CSMD1: variants seen among roughly 807,000 people sequenced by gnomAD.
The protein encoded by CSMD1 is CUB and sushi domain-containing protein 1.
A neutral mutation model predicts 417.5 loss-of-function variants in CSMD1; 213 were observed. The ratio of observed to expected loss-of-function variants is 0.51; its 90% CI spans 0.46 to 0.57. The LOEUF (loss-of-function observed/expected upper bound fraction) is 0.57. CSMD1 is among the 20% of genes least tolerant of loss of function. The pLI, the probability that CSMD1 is intolerant of heterozygous loss-of-function variation, is 0.00. For missense variants in CSMD1, 6,923 were observed against 4,529.7 expected (o/e 1.53, Z -15.17); for synonymous variants, 2,862 against 1,736.8 (o/e 1.65, Z -16.11).
intron 2 of CSMD1, among the ~76,000 whole-genome samples, chr8:4,550,897 A>T (rs1797841536): frequency 6.6e-6 from 1 of 152,118 alleles, no homozygotes; most frequent in African/African-American, 2.4e-5. Context: ...ATACTAGAAA[A>T]CGGAGACCCA....
intron 12 of CSMD1, among the ~76,000 whole-genome samples, chr8:3,437,303 G>A (rs1393659438): frequency 6.6e-6 from 1 of 152,122 alleles, no homozygotes; most frequent in South Asian, 2.1e-4. Flanking sequence ...CTCTCAACAC[G>A]TCAACCCCAC....
intron 5 of CSMD1, among the ~76,000 whole-genome samples, chr8:3,917,125 T>C (rs1224492994): frequency 6.6e-6 from 1 of 152,176 alleles, no homozygotes; most frequent in Non-Finnish European, 1.5e-5. Flanking sequence ...TAAAAGATAG[T>C]CTAAGAGAAT....
At chr8:3,261,865 A>G (rs921498654) in intron 26 of CSMD1, among the ~76,000 whole-genome samples, 2 of 152,076 alleles carry the variant, frequency 1.3e-5, no homozygotes, top group East Asian at 1.9e-4. Context: ...GCCGAGGTCA[A>G]TGGGTACGGC....
chr8:3,316,971 G>A (rs757631943), intron 23 of CSMD1, among the ~76,000 whole-genome samples: 4 of 152,198 alleles, frequency 2.6e-5, no homozygotes, highest in South Asian at 2.1e-4. Context: ...GTCAGTGGAT[G>A]TGGGGAGGGG....
At chr8:4,607,687 C>T (rs1428305373) in intron 2 of CSMD1, among the ~76,000 whole-genome samples, 1 of 151,950 alleles carries the variant, frequency 6.6e-6, no homozygotes, top group Non-Finnish European at 1.5e-5. Flanking sequence ...ACCTTTTTTC[C>T]AGCAATCTTC....
intron 2 of CSMD1, among the ~76,000 whole-genome samples, chr8:4,433,924 A>G (rs1343470602): frequency 6.6e-6 from 1 of 152,142 alleles, no homozygotes; most frequent in African/African-American, 2.4e-5. Flanking sequence ...CACAGCAAAA[A>G]AGGGGGAAAC....
At chr8:4,890,929 G>T (rs888884630) in intron 1 of CSMD1, among the ~76,000 whole-genome samples, 1 of 152,096 alleles carries the variant, frequency 6.6e-6, no homozygotes, top group African/African-American at 2.4e-5. Flanking sequence ...CTGGGGAAAC[G>T]CAAAGGCAGA....
intron 51 of CSMD1, among the ~76,000 whole-genome samples, chr8:3,021,416 C>A (rs1272300690): frequency 6.6e-6 from 1 of 152,126 alleles, no homozygotes; most frequent in African/African-American, 2.4e-5. Context: ...AAGGGGAAGC[C>A]CCTCACTACT....
At chr8:2,984,165 G>A (rs1012432240) in intron 54 of CSMD1, among the ~76,000 whole-genome samples, 1 of 152,104 alleles carries the variant, frequency 6.6e-6, no homozygotes, top group Admixed American at 6.5e-5. Context: ...GAGACCATCC[G>A]TTTATGTCGC....
At chr8:3,909,010 G>C (rs1395961995) in intron 5 of CSMD1, among the ~76,000 whole-genome samples, 4 of 152,200 alleles carry the variant, frequency 2.6e-5, no homozygotes, top group Non-Finnish European at 4.4e-5. Flanking sequence ...ACTACTGTAG[G>C]AGGCTTGCCT....
At chr8:4,431,296 C>G (rs1797859431) in intron 2 of CSMD1, among the ~76,000 whole-genome samples, 1 of 152,096 alleles carries the variant, frequency 6.6e-6, no homozygotes, top group Non-Finnish European at 1.5e-5. Flanking sequence ...TCATATCTCA[C>G]AAACTGTATT....
intron 5 of CSMD1, among the ~76,000 whole-genome samples, chr8:3,765,604 C>T (rs1798223220): frequency 1.3e-5 from 2 of 152,194 alleles, no homozygotes; most frequent in African/African-American, 4.8e-5. Flanking sequence ...TTTATTTTTG[C>T]TCCTAATGTA....
At chr8:4,737,230 C>T (rs993714787) in intron 1 of CSMD1, among the ~76,000 whole-genome samples, 9 of 152,016 alleles carry the variant, frequency 5.9e-5, no homozygotes, top group South Asian at 2.1e-4. Flanking sequence ...CAAACTAACA[C>T]GGGAACAGAA....
At chr8:3,687,558 T>C (rs1800001983) in intron 7 of CSMD1, among the ~76,000 whole-genome samples, 1 of 152,224 alleles carries the variant, frequency 6.6e-6, no homozygotes, top group African/African-American at 2.4e-5. Flanking sequence ...GTAAATGCTA[T>C]ATTTTTCTTC....
intron 8 of CSMD1, among the ~76,000 whole-genome samples, chr8:3,592,437 A>G (rs980058467): frequency 6.6e-6 from 1 of 152,174 alleles, no homozygotes; most frequent in African/African-American, 2.4e-5. Context: ...AAGCAGCAGA[A>G]AACACAAAAA....
At chr8:4,344,679 T>C (rs1229455770) in intron 3 of CSMD1, among the ~76,000 whole-genome samples, 1 of 152,022 alleles carries the variant, frequency 6.6e-6, no homozygotes, top group Non-Finnish European at 1.5e-5. Context: ...AACACAAAGA[T>C]ATTAAAAATG....
chr8:4,523,635 C>G (rs1445925898), intron 2 of CSMD1, among the ~76,000 whole-genome samples: 1 of 152,084 alleles, frequency 6.6e-6, no homozygotes, highest in South Asian at 2.1e-4. Flanking sequence ...AACCAAGGTT[C>G]CAGTCCGGGG....
chr8:3,262,183 GAATATATATATATATATATATA>G (rs1434418313), intron 26 of CSMD1, among the ~76,000 whole-genome samples: 1 of 54,726 alleles, frequency 1.8e-5, no homozygotes, highest in Non-Finnish European at 3.4e-5. Context: ...ATGCTCATAT[GAATATATATATATATATATATA>G]TATATATATA....
intron 1 of CSMD1, among the ~76,000 whole-genome samples, chr8:4,888,096 T>C (rs571434545): frequency 7.2e-5 from 11 of 152,180 alleles, no homozygotes; most frequent in African/African-American, 2.7e-4. Context: ...AATACATATG[T>C]ACACTCTTAA....
Sources: allele counts gnomAD v4.1 joint callset (sites outside exome capture counted in the v4.1 genomes callset), GRCh38; gene constraint gnomAD v4.1.1; transcripts MANE v1.5; gene names NCBI Gene and HGNC (gene_info 2026-07-23, HGNC 2026-07-21).